The following SNRPN variants were observed in gnomAD, a reference collection of about 807,000 sequenced individuals.
The protein encoded by SNRPN is small nuclear ribonucleoprotein polypeptide N, also known as small nuclear ribonucleoprotein-associated protein N.
In SNRPN, 7 loss-of-function variants were observed where a neutral mutation model predicts 25.2. That is an observed-to-expected ratio of 0.28 (90% confidence interval 0.16 to 0.52). SNRPN has a LOEUF of 0.52. SNRPN is among the 20% of genes least tolerant of loss of function. The pLI is 0.96. For missense variants in SNRPN, 196 were observed against 322.5 expected (o/e 0.61, Z 3.00); for synonymous variants, 124 against 110.6 (o/e 1.12, Z -0.76).
chr15:24,838,165 G>C (rs946616446), intron 2 of SNRPN, among the ~76,000 whole-genome samples: 1 of 151,764 alleles, frequency 6.6e-6, no homozygotes, highest in African/African-American at 2.4e-5. Context: ...CTCCCAAGTA[G>C]CTGGGACTAC....
chr15:24,973,503 T>G (rs367780130), intron 3 of SNRPN, among the ~76,000 whole-genome samples: 1 of 152,150 alleles, frequency 6.6e-6, no homozygotes, highest in Non-Finnish European at 1.5e-5. Flanking sequence ...GTTCAAGCGA[T>G]TCTCCTACCT....
chr15:24,932,231 G>A (rs1319768168), intron 3 of SNRPN, among the ~76,000 whole-genome samples: 8 of 152,130 alleles, frequency 5.3e-5, no homozygotes, highest in Non-Finnish European at 1.2e-4. Flanking sequence ...GGTTAAGACT[G>A]ACTTTGTTTC....
intron 1 of SNRPN, among the ~76,000 whole-genome samples, chr15:24,956,416 T>C (rs1245638915): frequency 1.3e-5 from 2 of 151,492 alleles, no homozygotes; most frequent in Admixed American, 1.3e-4. Context: ...TGGTGTGTGT[T>C]CAGCTTCTGC....
chr15:24,862,214 G>A (rs1259235855), intron 1 of SNRPN, among the ~76,000 whole-genome samples: 2 of 151,090 alleles, frequency 1.3e-5, no homozygotes, highest in Admixed American at 1.3e-4. Flanking sequence ...ATTTATCAAG[G>A]GAACCATATT....
Position 24,978,053 on chromosome 15 carries a change from A to T in SNRPN, c.559+137A>T, listed in dbSNP as rs1167319041. On this transcript the variant is annotated intron_variant, in intron 8 of 9. Coordinates refer to ENST00000390687, the MANE Select transcript of SNRPN (RefSeq NM_003097.6). ...TAGATACTGGTTTTTAATGAAAGAC[A>T]TAGAAGAGTAATTGTCATATAGAAG... 4 of 1,188,432 alleles carry T rather than the reference A, an allele frequency of 3.4e-6. No homozygotes were observed. In the African/African-American group the frequency reaches 6.1e-5, roughly 18 times the overall value. 73.6% of individuals were successfully genotyped at this position (1,188,432 alleles called of 1,614,324 possible). A position where few individuals can be genotyped will look rare whatever the true frequency, so the allele number is the denominator to read the frequency against.
intron 1 of SNRPN, among the ~76,000 whole-genome samples, chr15:24,881,526 CGAGA>C (rs758798894): frequency 0.025 from 1,789 of 71,066 alleles, 30 homozygotes; most frequent in Admixed American, 0.037. Context: ...AGCGAAACTC[CGAGA>C]GAGAGAGAGA....
At chr15:24,864,975 C>A (rs925430729) in intron 1 of SNRPN, among the ~76,000 whole-genome samples, 61 of 151,478 alleles carry the variant, frequency 4.0e-4, no homozygotes, top group African/African-American at 1.3e-3. Context: ...TGAAGGTAGC[C>A]CTACAGCATG....
In SNRPN at chr15:24,910,781, C is replaced by T. The variant is rs1201616653; in HGVS notation, c.-504-9230C>T. 7 of 336,706 alleles carry T rather than the reference C, an allele frequency of 2.1e-5. No individual in the cohort carries two copies. The Admixed American group carries it at 3.3e-4, about 16-fold the overall frequency. 20.9% of individuals were successfully genotyped at this position (336,706 alleles called of 1,614,324 possible). On this transcript the variant is annotated intron_variant, in intron 2 of 11. Transcript: ENST00000400097. ...GTGCTGGAACTACAGGCGTGAGGCA[C>T]CTCACCTGGCCAAAGACTATTATTA...
In SNRPN at chr15:24,923,275, C is replaced by T. The variant is rs139919843; in HGVS notation, c.-391+3151C>T. 6.5e-4 allele frequency among the ~76,000 whole-genome samples: 99 copies of T among 152,242 alleles called. 1 individual carries two copies. The highest frequency in any genetic ancestry group is 1.7e-3 in the African/African-American group (72 of 41,546). ...CTGCAGTTATCACCAACACTGCAAT[C>T]GTAATCACTGAAGTATGTGTATCCT... On this transcript the variant is annotated intron_variant, in intron 3 of 11. Transcript: ENST00000400097.
chr15:24,928,858 G>A (rs950300031), intron 3 of SNRPN, among the ~76,000 whole-genome samples: 4 of 151,872 alleles, frequency 2.6e-5, no homozygotes, highest in East Asian at 1.9e-4. Flanking sequence ...TCTTCCTGCC[G>A]TGGTCTCCCA....
intron 2 of SNRPN, among the ~76,000 whole-genome samples, chr15:24,915,196 C>T (rs2059437963): frequency 6.6e-6 from 1 of 151,856 alleles, no homozygotes; most frequent in Non-Finnish European, 1.5e-5. Flanking sequence ...GGCGTGATCT[C>T]GGCTCACTGT....
chr15:24,864,339 CTTTTTTT>C (rs58622804), intron 1 of SNRPN, among the ~76,000 whole-genome samples: 29 of 117,270 alleles, frequency 2.5e-4, no homozygotes, highest in Non-Finnish European at 3.5e-4. Context: ...CTCTTCTTTT[CTTTTTTT>C]TTTTTTTTTT....
chr15:24,974,602 G>A (rs2076849905), intron 4 of SNRPN, 146 bp downstream of exon 4: 2 of 804,800 alleles, frequency 2.5e-6, no homozygotes, highest in South Asian at 2.9e-5. Context: ...TTGAGTATCA[G>A]CTGAAGATGA....
At chr15:24,882,948 A>C (rs966083665) in intron 1 of SNRPN, among the ~76,000 whole-genome samples, 1 of 152,030 alleles carries the variant, frequency 6.6e-6, no homozygotes, top group African/African-American at 2.4e-5. Flanking sequence ...ATTAGCCTAC[A>C]TTTGGGCAAA....
chr15:24,890,972 A>G (rs1466155488), intron 2 of SNRPN, among the ~76,000 whole-genome samples: 1 of 151,874 alleles, frequency 6.6e-6, no homozygotes, highest in African/African-American at 2.4e-5. Flanking sequence ...GTGCAGTGTC[A>G]TGATCTCAGC....
At chr15:24,945,784 A>G (rs1347108199) in intron 3 of SNRPN, among the ~76,000 whole-genome samples, 1 of 152,152 alleles carries the variant, frequency 6.6e-6, no homozygotes, top group Non-Finnish European at 1.5e-5. Flanking sequence ...GGTTGCTATT[A>G]GTCTAGTCTT....
intron 3 of SNRPN, among the ~76,000 whole-genome samples, chr15:24,943,820 T>C (rs1229097971): frequency 6.6e-6 from 1 of 152,122 alleles, no homozygotes; most frequent in Non-Finnish European, 1.5e-5. Context: ...GTTCTTTTTT[T>C]TTTAATTTTT....
chr15:24,900,468 C>T (rs1215495464), intron 2 of SNRPN, among the ~76,000 whole-genome samples: 1 of 152,140 alleles, frequency 6.6e-6, no homozygotes, highest in South Asian at 2.1e-4. Flanking sequence ...AGTAGCTTGT[C>T]TCTATTGTTT....
chr15:24,935,303 A>G (rs2061152418), intron 3 of SNRPN, among the ~76,000 whole-genome samples: 1 of 151,902 alleles, frequency 6.6e-6, no homozygotes, highest in Non-Finnish European at 1.5e-5. Context: ...TTTGTTTAAT[A>G]GGTGAGATCA....
Sources: allele counts gnomAD v4.1 joint callset (sites outside exome capture counted in the v4.1 genomes callset), GRCh38; gene constraint gnomAD v4.1.1; transcripts MANE v1.5; gene names NCBI Gene and HGNC (gene_info 2026-07-23, HGNC 2026-07-21).